ATP6V1G3: variants seen among roughly 807,000 people sequenced by gnomAD.
ATP6V1G3 encodes ATPase H+ transporting V1 subunit G3, also known as V-type proton ATPase subunit G 3.
Under a neutral mutation model 9.3 loss-of-function variants are expected in ATP6V1G3, and 9 were observed. The ratio of observed to expected loss-of-function variants is 0.97; its 90% CI spans 0.59 to 1.69. The LOEUF is 1.69. ATP6V1G3 is among the 40% of genes most tolerant of loss of function. ATP6V1G3 has a pLI of 0.00. For missense variants in ATP6V1G3, 133 were observed against 139.0 expected (o/e 0.96, Z 0.22); for synonymous variants, 43 against 43.8 (o/e 0.98, Z 0.07).
chr1:198,526,364 T>G (rs1336199902), intron 2 of ATP6V1G3, among the ~76,000 whole-genome samples: 1 of 152,156 alleles, frequency 6.6e-6, no homozygotes, highest in Non-Finnish European at 1.5e-5. Context: ...ACATTTGTAT[T>G]GAGTAGAATG....
rs1313145902 is a variant in ATP6V1G3, at chr1:198,540,668, A to T, written c.-18T>A. 6.2e-7 allele frequency: 1 copy of T among 1,610,592 alleles called. No homozygotes were observed. Reference sequence around the variant, plus strand: ...CTTGTCATGGTAGTCTGCTCCAAGCAAGTGGCTTCTGTGAAATCTGGGAAG... The same window carrying T: ...CTTGTCATGGTAGTCTGCTCCAAGCTAGTGGCTTCTGTGAAATCTGGGAAG... On this transcript the variant is annotated 5_prime_UTR_variant, in exon 1 of 3. Coordinates refer to ENST00000367382, the MANE Select transcript of ATP6V1G3 (RefSeq NM_001376861.1).
At chr1:198,526,060 C>T (rs962672938) in intron 2 of ATP6V1G3, among the ~76,000 whole-genome samples, 4 of 152,120 alleles carry the variant, frequency 2.6e-5, no homozygotes, top group Non-Finnish European at 4.4e-5. Flanking sequence ...CCCATAATCA[C>T]GTCTCATCCT....
chr1:198,540,632 C>G lies in ATP6V1G3; in HGVS notation c.19G>C (p.Gly7Arg), dbSNP rs1379432056. The change falls in exon 1 of 3, where the codon GGG becomes CGG. Residue 7 changes from glycine (G) to arginine (R), a missense_variant. By Grantham distance (125) the Gly-to-Arg change is moderately radical. Coordinates refer to ENST00000367382, the MANE Select transcript of ATP6V1G3 (RefSeq NM_001376861.1). ...TCTGCCTGAAGAAGCTGGTGGATCC[C>G]CTGAGACTGGCTTGTCATGGTAGTC... MTSQSQ[G>R]IHQLLQAEKR... 1.9e-6 allele frequency: 3 copies of G among 1,613,908 alleles called. No individual in the cohort carries two copies. In the African/African-American group the frequency reaches 4.0e-5, roughly 22 times the overall value.
intron 1 of ATP6V1G3, chr1:198,536,872 C>A: frequency 3.3e-6 from 2 of 605,690 alleles, no homozygotes; most frequent in Non-Finnish European, 5.6e-6. Context: ...TACTATCTTA[C>A]ACATATTTTT....
At chr1:198,530,360 C>G (rs1220287488) in intron 1 of ATP6V1G3, among the ~76,000 whole-genome samples, 1 of 152,118 alleles carries the variant, frequency 6.6e-6, no homozygotes, top group Admixed American at 6.6e-5. Context: ...ATGTATCTAC[C>G]TTTGCAGCAT....
intron 1 of ATP6V1G3, 35 bp from the exon 2 acceptor site, chr1:198,529,216 A>AT: frequency 4.9e-6 from 2 of 409,596 alleles, no homozygotes; most frequent in Non-Finnish European, 7.4e-6. Context: ...ATATATATAT[A>AT]ATTATATATA....
At chr1:198,540,768 G>T, upstream of ATP6V1G3, 1 of 1,112,060 alleles carries the variant, frequency 9.0e-7, no homozygotes, top group Non-Finnish European at 1.4e-6. Context: ...TCCAAATGCA[G>T]CTGTTTCAAA....
intron 1 of ATP6V1G3, among the ~76,000 whole-genome samples, chr1:198,532,637 A>G (rs1411957012): frequency 6.6e-6 from 1 of 152,200 alleles, no homozygotes; most frequent in African/African-American, 2.4e-5. Context: ...TCTACTTTAG[A>G]CAGATCAGGC....
In ATP6V1G3 at chr1:198,540,591, G is replaced by T; in HGVS notation, c.60C>A (p.Asp20Glu). Residue 20 changes from aspartate to glutamate, a missense_variant, in exon 1 of 3, where the codon GAC becomes GAA. By Grantham distance (45) the Asp-to-Glu change is conservative. Transcript: ENST00000367382. ...QLLQAEKRAK[D>E]KLEEAKKRKG... ...TACTCTTCTTGGCTTCCTCTAGCTT[G>T]TCCTTGGCCCGTTTTTCTGCCTGAA... 6.2e-7 allele frequency: 1 copy of T among 1,614,062 alleles called. No homozygotes were observed. Among genetic ancestry groups the T allele is most frequent in the Non-Finnish European group, 8.5e-7 (1 of 1,179,942 alleles).
chr1:198,532,931 C>T (rs553716587), intron 1 of ATP6V1G3, among the ~76,000 whole-genome samples: 6 of 152,190 alleles, frequency 3.9e-5, no homozygotes, highest in South Asian at 4.2e-4. Context: ...TCACAGGGCA[C>T]GGTAAGAATT....
rs180850286 is a variant in ATP6V1G3 at position 198,531,382 on chromosome 1, T to A, written c.83-2201A>T. 1.8e-3 allele frequency among the ~76,000 whole-genome samples: 275 copies of A among 152,322 alleles called. 1 individual carries two copies. The highest frequency in any genetic ancestry group is 5.5e-3 in the African/African-American group (229 of 41,574). On this transcript the variant is annotated intron_variant, in intron 1 of 2. Transcript: ENST00000367382. Reference sequence around the variant, plus strand: ...ACTTGCTTCTCTCTGTGTGTAAGAATTTGGCAATTCTAAAATTATACTTAT... The same window carrying A: ...ACTTGCTTCTCTCTGTGTGTAAGAAATTGGCAATTCTAAAATTATACTTAT...
chr1:198,540,820 C>A, upstream of ATP6V1G3: 1 of 655,478 alleles, frequency 1.5e-6, no homozygotes, highest in Non-Finnish European at 2.6e-6. Context: ...AAGGAAAGCC[C>A]AAGGTGGAAT....
At chr1:198,539,310 A>G (rs1324595711) in intron 1 of ATP6V1G3, among the ~76,000 whole-genome samples, 1 of 152,240 alleles carries the variant, frequency 6.6e-6, no homozygotes, top group Non-Finnish European at 1.5e-5. Flanking sequence ...TAAATAATTC[A>G]GTACCTACTC....
chr1:198,529,941 A>G (rs1659828344), intron 1 of ATP6V1G3, among the ~76,000 whole-genome samples: 1 of 152,140 alleles, frequency 6.6e-6, no homozygotes, highest in South Asian at 2.1e-4. Context: ...TTTTAGACGA[A>G]TACAATGCTG....
chr1:198,529,119 T>G lies in ATP6V1G3; in HGVS notation c.145A>C (p.Met49Leu). 1 of 1,505,126 alleles carries G rather than the reference T, an allele frequency of 6.6e-7. No homozygotes were observed. The highest frequency in any genetic ancestry group is 2.6e-5 in the East Asian group (1 of 38,572). The allele number at this position is 1,505,126 out of a possible 1,614,324, so 93.2% of individuals were successfully genotyped here. ...EAMVEIDQYRMQRDKEFRLKQ... is the reference protein window; with the variant it reads ...EAMVEIDQYRLQRDKEFRLKQ... ...AGTCGAAACTCTTTATCTCTCTGCA[T>G]TCTGTACTGGTCAATTTCTACCATT... The change falls in exon 2 of 3, where the codon ATG (methionine) becomes CTG (leucine). Residue 49 changes from methionine (M) to leucine (L), a missense_variant. Physicochemically the swap from Met to Leu is conservative, Grantham distance 15 (BLOSUM62 2). Transcript: ENST00000367382.
chr1:198,538,537 G>A (rs1660210627), intron 1 of ATP6V1G3, among the ~76,000 whole-genome samples: 1 of 152,042 alleles, frequency 6.6e-6, no homozygotes, highest in South Asian at 2.1e-4. Context: ...TAATGAGAAA[G>A]CAAAGGCAAC....
At chr1:198,525,343 C>T (rs10922446) in intron 2 of ATP6V1G3, among the ~76,000 whole-genome samples, 28,198 of 152,036 alleles carry the variant, frequency 0.19, 3,079 homozygotes, top group African/African-American at 0.29. Context: ...TTTGGAACAG[C>T]ATTAAAAATA....
intron 2 of ATP6V1G3, among the ~76,000 whole-genome samples, chr1:198,527,869 C>T (rs1659722288): frequency 6.6e-6 from 1 of 152,070 alleles, no homozygotes. Context: ...GTGTTTATGA[C>T]AGACACAATT....
At chr1:198,524,072 T>A (rs1441101535) in intron 2 of ATP6V1G3, among the ~76,000 whole-genome samples, 1 of 152,126 alleles carries the variant, frequency 6.6e-6, no homozygotes, top group Non-Finnish European at 1.5e-5. Flanking sequence ...TATCTTGCTT[T>A]TATCAGGAAG....
Sources: allele counts gnomAD v4.1 joint callset (sites outside exome capture counted in the v4.1 genomes callset), GRCh38; gene constraint gnomAD v4.1.1; transcripts MANE v1.5; gene names NCBI Gene and HGNC (gene_info 2026-07-23, HGNC 2026-07-21).